Variants in PASD1 observed in about 807,000 individuals in gnomAD.
The protein encoded by PASD1 is PAS domain containing repressor 1, also known as circadian clock protein PASD1.
Under a neutral mutation model 58.8 loss-of-function variants are expected in PASD1, and 13 were observed. That is an observed-to-expected ratio of 0.22 (90% CI 0.14 to 0.35). The LOEUF (loss-of-function observed/expected upper bound fraction) is 0.35. Ranked by LOEUF, PASD1 falls within the 10% of genes least tolerant of loss-of-function variation. The probability of loss-of-function intolerance (pLI) is 1.00; values close to 1 mark genes in which losing one functional copy is unlikely to be tolerated. For missense variants in PASD1, 734 were observed against 568.3 expected (o/e 1.29, Z -2.96); for synonymous variants, 236 against 216.7 (o/e 1.09, Z -0.78).
intron 4 of PASD1, among the ~76,000 whole-genome samples, 180 bp downstream of exon 4, chrX:151,611,933 A>AT (rs753299514): frequency 4.0e-4 from 43 of 106,265 alleles, no homozygotes; most frequent in Non-Finnish European, 3.9e-4. Context: ...TCTTCATTTA[A>AT]TATTAGGTGT....
chrX:151,597,296 A>G (rs1445051551), intron 1 of PASD1, among the ~76,000 whole-genome samples: 3 of 111,997 alleles, frequency 2.7e-5, no homozygotes, highest in African/African-American at 9.7e-5. Context: ...TTTTGTTTAG[A>G]TTTGTTTAGG....
intron 8 of PASD1, among the ~76,000 whole-genome samples, chrX:151,629,509 A>C (rs2013839791): frequency 8.9e-6 from 1 of 112,143 alleles, no homozygotes; most frequent in African/African-American, 3.2e-5. Flanking sequence ...ACTTCTAGCC[A>C]GTCTCTGAAT....
chrX:151,601,958 C>G (rs746688958), intron 2 of PASD1, among the ~76,000 whole-genome samples: 96 of 112,450 alleles, frequency 8.5e-4, no homozygotes, highest in African/African-American at 3.0e-3. Flanking sequence ...AATTAACTTA[C>G]TTTTCCAGAT....
chrX:151,643,416 G>A (rs1163913247), intron 8 of PASD1, among the ~76,000 whole-genome samples: 1 of 111,083 alleles, frequency 9.0e-6, no homozygotes, highest in Non-Finnish European at 1.9e-5. Flanking sequence ...AGTGGGTTAA[G>A]CTGCGGTGTG....
At chrX:151,586,449 G>A (rs370374096) in intron 1 of PASD1, among the ~76,000 whole-genome samples, 10 of 112,034 alleles carry the variant, frequency 8.9e-5, no homozygotes, top group Admixed American at 4.7e-4. Context: ...TACTAGCTAT[G>A]TAACTTCAGA....
At chrX:151,640,716 G>A (rs907596887) in intron 8 of PASD1, among the ~76,000 whole-genome samples, 2 of 111,860 alleles carry the variant, frequency 1.8e-5, no homozygotes, top group Non-Finnish European at 3.8e-5. Flanking sequence ...GCCCATGAAT[G>A]TCTTTAGTGT....
chrX:151,620,627 A>G (rs760914076), intron 4 of PASD1, among the ~76,000 whole-genome samples: 51 of 111,244 alleles, frequency 4.6e-4, no homozygotes, highest in African/African-American at 9.8e-4. Flanking sequence ...TTTACATTCA[A>G]TTGCTTGGGT....
At chrX:151,606,557 C>T (rs764816636) in intron 3 of PASD1, among the ~76,000 whole-genome samples, 1 of 110,799 alleles carries the variant, frequency 9.0e-6, no homozygotes, top group Non-Finnish European at 1.9e-5. Flanking sequence ...TCATAAGAAG[C>T]CTATGATTAA....
chrX:151,662,852 A>G (rs1422865938), intron 10 of PASD1, among the ~76,000 whole-genome samples: 1 of 112,181 alleles, frequency 8.9e-6, no homozygotes, highest in African/African-American at 3.2e-5. Context: ...GAACAAATTT[A>G]CCATTTGGAA....
intron 8 of PASD1, among the ~76,000 whole-genome samples, chrX:151,635,218 T>C (rs7884062): frequency 0.057 from 6,345 of 111,277 alleles, 321 homozygotes; most frequent in African/African-American, 0.16. Flanking sequence ...TTGTATTTTC[T>C]CTGCCTCAGA....
At chrX:151,654,193 C>T (rs1410650336) in intron 9 of PASD1, among the ~76,000 whole-genome samples, 1 of 108,432 alleles carries the variant, frequency 9.2e-6, no homozygotes, top group Non-Finnish European at 1.9e-5. Flanking sequence ...TGGTCTCAAA[C>T]TTCTGGGCTC....
chrX:151,571,188 T>C (rs2012922082), intron 1 of PASD1, among the ~76,000 whole-genome samples: 2 of 112,369 alleles, frequency 1.8e-5, no homozygotes, highest in Admixed American at 1.9e-4. Flanking sequence ...AGACATTACT[T>C]GGGAAGAACA....
At chrX:151,593,046 G>C (rs747570957) in intron 1 of PASD1, among the ~76,000 whole-genome samples, 1 of 109,937 alleles carries the variant, frequency 9.1e-6, no homozygotes, top group Non-Finnish European at 1.9e-5. Context: ...AACATATTTA[G>C]GGTTGTTAAG....
chrX:151,599,474 G>A (rs1438950552), intron 1 of PASD1, among the ~76,000 whole-genome samples: 6 of 109,996 alleles, frequency 5.5e-5, no homozygotes, highest in African/African-American at 2.0e-4. Context: ...CGGACTGGGC[G>A]GCTGCCGGGC....
intron 1 of PASD1, among the ~76,000 whole-genome samples, chrX:151,590,097 G>GT (rs2065825641): frequency 8.9e-6 from 1 of 111,999 alleles, no homozygotes; most frequent in South Asian, 3.8e-4. Context: ...AATAAGAAAT[G>GT]TAATCTGGGG....
At chrX:151,659,581 G>C (rs778938793) in intron 9 of PASD1, 132 bp from the exon 10 acceptor site, 15 of 609,782 alleles carry the variant, frequency 2.5e-5, no homozygotes, top group Non-Finnish European at 3.6e-5. Context: ...ATTTTTGTTA[G>C]GTTTTCAGTT....
In PASD1 at chrX:151,676,064, ACCAG is replaced by A. The variant is rs770451835; in HGVS notation, c.2248_2251del (p.Pro750ThrfsTer3). Reference sequence around the variant, plus strand: ...CAGGCTTTCCAAGGCCCTGCTGCATACCAGCCAGACCAGATGAGATCTGCGGAGC... The same window carrying A: ...CAGGCTTTCCAAGGCCCTGCTGCATACCAGACCAGATGAGATCTGCGGAGC... On this transcript the variant is annotated frameshift_variant, in exon 16 of 16. Transcript: ENST00000370357. LOFTEE classifies it low-confidence loss of function (END_TRUNC). The A allele has an allele frequency of 5.0e-6, 6 of 1,209,308 alleles. No homozygotes were observed. In the East Asian group the frequency reaches 1.8e-4, roughly 36 times the overall value.
At chrX:151,657,103 C>A (rs1041244022) in intron 9 of PASD1, among the ~76,000 whole-genome samples, 29 of 111,877 alleles carry the variant, frequency 2.6e-4, no homozygotes, top group Non-Finnish European at 4.7e-4. Flanking sequence ...TTTTCTGCAT[C>A]TATTGAGATA....
chrX:151,659,046 T>C (rs1186222849), intron 9 of PASD1, among the ~76,000 whole-genome samples: 2 of 112,640 alleles, frequency 1.8e-5, no homozygotes, highest in Non-Finnish European at 3.7e-5. Context: ...TCTGTCTGTA[T>C]GGCCTTGCCC....
Sources: gnomAD v4.1 joint callset for allele counts (sites outside exome capture counted in the v4.1 genomes callset) on GRCh38, gnomAD v4.1.1 for gene constraint, MANE v1.5 for transcripts, NCBI Gene and HGNC (gene_info 2026-07-23, HGNC 2026-07-21) for gene names.